The following MPHOSPH9 variants were observed in gnomAD, a reference collection of about 807,000 sequenced individuals.
MPHOSPH9 encodes the protein M-phase phosphoprotein 9.
In MPHOSPH9, 88 loss-of-function variants were observed where a neutral mutation model predicts 145.5. The ratio of observed to expected loss-of-function variants is 0.60; its 90% CI spans 0.51 to 0.72. MPHOSPH9 has a LOEUF of 0.72. Among genes scored for constraint, MPHOSPH9 ranks in the 30% least tolerant of loss-of-function variants. The pLI is 0.00. For missense variants in MPHOSPH9, 1,238 were observed against 1,386.6 expected, an observed-to-expected ratio of 0.89 and a Z score of 1.70; for synonymous variants, 435 against 486.2, an observed-to-expected ratio of 0.89 and a Z score of 1.39.
intron 2 of MPHOSPH9, among the ~76,000 whole-genome samples, chr12:123,229,646 G>C (rs1431663757): frequency 1.3e-5 from 2 of 152,092 alleles, no homozygotes; most frequent in African/African-American, 4.8e-5. Flanking sequence ...GCAACTAAAT[G>C]TTAAAGATAT....
chr12:123,202,373 T>A, intron 10 of MPHOSPH9, 54 bp from the exon 11 acceptor site: 1 of 1,508,128 alleles, frequency 6.6e-7, no homozygotes, highest in Admixed American at 2.3e-5. Context: ...TCAGTCTCCA[T>A]CCCACAAGAG....
Position 123,221,822 on chromosome 12 carries a change from T to C in MPHOSPH9, c.422A>G (p.Asn141Ser), listed in dbSNP as rs1593233976. 6.2e-7 allele frequency: 1 copy of C among 1,613,480 alleles called. No homozygotes were observed. Residue 141 changes from asparagine (N) to serine (S), a missense_variant, in exon 5 of 24, where the codon AAT (asparagine) becomes AGT (serine). Around this residue, in one of 3 missense-constraint regions of MPHOSPH9, gnomAD observed 837 missense variants for 897.5 expected, o/e 0.93. Transcript: ENST00000606320. ...SSASLASCEG[N>S]SSNKQVSSES... The stretch of plus-strand genomic sequence containing the variant: ...CGAAGATACTTGTTTGTTTGAAGAA[T>C]TTCCTTCACAGGAAGCTAAGGAAGC...
intron 15 of MPHOSPH9, among the ~76,000 whole-genome samples, chr12:123,178,196 C>T (rs1420640197): frequency 6.6e-6 from 1 of 152,242 alleles, no homozygotes; most frequent in Non-Finnish European, 1.5e-5. Context: ...TGCATACCGC[C>T]ATGCCTGGCT....
At chr12:123,218,110 C>T (rs1388784441) in intron 6 of MPHOSPH9, among the ~76,000 whole-genome samples, 1 of 151,100 alleles carries the variant, frequency 6.6e-6, no homozygotes, top group African/African-American at 2.4e-5. Context: ...ACCACCTGTA[C>T]CACCACAGGT....
intron 7 of MPHOSPH9, among the ~76,000 whole-genome samples, chr12:123,212,190 C>A (rs972122020): frequency 3.3e-5 from 5 of 151,842 alleles, no homozygotes; most frequent in Non-Finnish European, 5.9e-5. Flanking sequence ...GTGGGGGGTG[C>A]GATGGGCAGG....
chr12:123,210,984 T>C (rs1439371277), intron 7 of MPHOSPH9, among the ~76,000 whole-genome samples: 26 of 129,396 alleles, frequency 2.0e-4, no homozygotes, highest in Admixed American at 8.2e-4. Flanking sequence ...TTTCTTTTTT[T>C]TTTTTTTTTT....
rs187350638 is a variant in MPHOSPH9, at chr12:123,223,521, G to A, written c.259-394C>T. ...CAGCCCTCTGTCCTTTGCTGACTAC[G>A]CACCTGCCTCACGGGCATCCTCTGT... On this transcript the variant is annotated intron_variant, in intron 3 of 23. Coordinates refer to ENST00000606320, the MANE Select transcript of MPHOSPH9 (RefSeq NM_022782.4). 6.1e-4 allele frequency among the ~76,000 whole-genome samples: 93 copies of A among 152,152 alleles called. 1 individual carries two copies. Among genetic ancestry groups the A allele is most frequent in the African/African-American group, 2.1e-3 (89 of 41,492 alleles).
chr12:123,153,351 A>G (rs74573540), downstream of MPHOSPH9: 1 of 152,196 alleles, frequency 6.6e-6, no homozygotes, highest in Non-Finnish European at 1.5e-5. Context: ...TTTAAACTCC[A>G]AAAAAGCTCA....
At chr12:123,196,675 G>A (rs1790095) in intron 12 of MPHOSPH9, among the ~76,000 whole-genome samples, 97,717 of 152,002 alleles carry the variant, frequency 0.64, 35,886 homozygotes, top group East Asian at 1. Flanking sequence ...TATACCCAAG[G>A]AAACTAAAAA....
chr12:123,213,821 T>C (rs762073376), intron 7 of MPHOSPH9, among the ~76,000 whole-genome samples: 3 of 152,276 alleles, frequency 2.0e-5, no homozygotes, highest in Middle Eastern at 6.8e-3. Flanking sequence ...AGTCACATGA[T>C]GTGACTTAAC....
chr12:123,157,751 T>C (rs1220514185), intron 23 of MPHOSPH9, among the ~76,000 whole-genome samples: 2 of 152,194 alleles, frequency 1.3e-5, no homozygotes, highest in African/African-American at 4.8e-5. Flanking sequence ...CCTCCCAAAG[T>C]GCTGGGATTA....
At chr12:123,158,373 T>C (rs1032555628) in intron 23 of MPHOSPH9, among the ~76,000 whole-genome samples, 1 of 151,968 alleles carries the variant, frequency 6.6e-6, no homozygotes, top group Non-Finnish European at 1.5e-5. Flanking sequence ...GAGACCAAGG[T>C]GGGAGAATCA....
In MPHOSPH9 at chr12:123,214,833, G is replaced by C. The variant is rs1227314129; in HGVS notation, c.998C>G (p.Ser333Cys). Reference sequence around the variant, plus strand: ...AGGATGTGTAGCAGCAGCAAAATCAGACTACAAGAAAGAAAACTATTGATT... The same window carrying C: ...AGGATGTGTAGCAGCAGCAAAATCACACTACAAGAAAGAAAACTATTGATT... ...EQSKKTPIEK[S>C]DFAAATHPRA... Residue 333 changes from serine (S) to cysteine (C), a missense_variant and splice_region_variant, in exon 7 of 24, where the codon TCT becomes TGT. By Grantham distance (112) the Ser-to-Cys change is moderately radical (BLOSUM62 -1). Coordinates refer to ENST00000606320, the MANE Select transcript of MPHOSPH9 (RefSeq NM_022782.4). 1 of 1,610,844 alleles carries C rather than the reference G, an allele frequency of 6.2e-7. No homozygotes were observed. The highest frequency in any genetic ancestry group is 1.7e-5 in the Admixed American group (1 of 59,948).
intron 23 of MPHOSPH9, among the ~76,000 whole-genome samples, chr12:123,157,581 A>G (rs2043924414): frequency 6.6e-6 from 1 of 152,146 alleles, no homozygotes; most frequent in South Asian, 2.1e-4. Flanking sequence ...CCTGGACTCA[A>G]GCAATCCTTC....
At chr12:123,230,769 C>A (rs1214399887) in intron 1 of MPHOSPH9, among the ~76,000 whole-genome samples, 1 of 152,268 alleles carries the variant, frequency 6.6e-6, no homozygotes, top group East Asian at 1.9e-4. Flanking sequence ...CTACAACATA[C>A]ATGAACACTG....
At chr12:123,214,906 G>A in intron 6 of MPHOSPH9, 72 bp from the exon 7 acceptor site, 1 of 1,271,622 alleles carries the variant, frequency 7.9e-7, no homozygotes, top group Non-Finnish European at 1.1e-6. Flanking sequence ...AGAAATGAGA[G>A]CCAGGCCTCA....
intron 16 of MPHOSPH9, among the ~76,000 whole-genome samples, chr12:123,175,629 A>G (rs79153063): frequency 0.046 from 6,882 of 151,008 alleles, 529 homozygotes; most frequent in African/African-American, 0.16. Flanking sequence ...CTCTGCATGG[A>G]CCACCTCCCA....
rs1334666819 is a variant in MPHOSPH9 at position 123,202,133 on chromosome 12, G to A, written c.1937+31C>T. ...GTGAAAATAATACATCCAAGGTGGA[G>A]AAAACTTCACAGCTAAATTATAAAT... is the stretch of plus-strand genomic sequence containing the variant. On this transcript the variant is annotated intron_variant, in intron 11 of 23. Transcript: ENST00000606320. 1.9e-6 allele frequency: 3 copies of A among 1,570,536 alleles called. No individual in the cohort carries two copies. In the East Asian group the frequency reaches 6.9e-5, roughly 36 times the overall value.
At chr12:123,181,015 A>G in intron 14 of MPHOSPH9, 148 bp downstream of exon 14, 1 of 717,234 alleles carries the variant, frequency 1.4e-6, no homozygotes, top group Non-Finnish European at 2.5e-6. Context: ...GAAAATAAGG[A>G]TACTGAAACA....
Sources: allele counts gnomAD v4.1 joint callset (sites outside exome capture counted in the v4.1 genomes callset), GRCh38; gene constraint gnomAD v4.1.1; regional missense constraint gnomAD v4.1.1; transcripts MANE v1.5; gene names NCBI Gene and HGNC (gene_info 2026-07-23, HGNC 2026-07-21).